The following DOCK1 variants were observed in gnomAD, a reference collection of about 807,000 sequenced individuals.
DOCK1 encodes dedicator of cytokinesis protein 1.
In DOCK1, 138 loss-of-function variants were observed where a neutral mutation model predicts 262.7. The observed-to-expected ratio is 0.53, with a 90% CI of 0.46 to 0.61. DOCK1 has a LOEUF of 0.61. DOCK1 is among the 20% of genes least tolerant of loss of function. The probability of loss-of-function intolerance (pLI) is 0.00; values close to 1 mark genes in which losing one functional copy is unlikely to be tolerated. For synonymous variants in DOCK1, 866 were observed against 867.4 expected (o/e 1.00, Z 0.03); for missense variants, 1,908 against 2,370.7 (o/e 0.80, Z 4.05).
chr10:127,405,739 T>C (rs1466460978), intron 40 of DOCK1, among the ~76,000 whole-genome samples: 1 of 152,188 alleles, frequency 6.6e-6, no homozygotes, highest in Admixed American at 6.5e-5. Context: ...TGGCCTGCTC[T>C]AGGAGGTGAG....
At chr10:127,151,259 A>T (rs2052459531) in intron 27 of DOCK1, among the ~76,000 whole-genome samples, 1 of 152,150 alleles carries the variant, frequency 6.6e-6, no homozygotes, top group Admixed American at 6.5e-5. Flanking sequence ...TGCAGTCTTT[A>T]TTTGAATACT....
chr10:127,094,969 T>C (rs1267119504), intron 23 of DOCK1, among the ~76,000 whole-genome samples: 1 of 152,228 alleles, frequency 6.6e-6, no homozygotes, highest in Non-Finnish European at 1.5e-5. Context: ...CAAGGCTCTC[T>C]GCCCTCTCCA....
chr10:127,433,275 G>A lies in DOCK1; in HGVS notation c.4915-8G>A, dbSNP rs771265028. ...ACAAGTCTCCTTCTCTCTCTTTCTC[G>A]CTCTCAGCCCTCAAGTCTGGATGAT... On this transcript the variant is annotated splice_polypyrimidine_tract_variant and splice_region_variant and intron_variant, in intron 47 of 51. Coordinates refer to ENST00000623213, the MANE Select transcript of DOCK1 (RefSeq NM_001290223.2). 9 of 1,613,328 alleles carry A rather than the reference G, an allele frequency of 5.6e-6. No individual in the cohort carries two copies. Among genetic ancestry groups the A allele is most frequent in the Middle Eastern group, 1.7e-4 (1 of 6,060 alleles).
intron 27 of DOCK1, among the ~76,000 whole-genome samples, chr10:127,149,212 C>T (rs1466792627): frequency 6.6e-6 from 1 of 152,068 alleles, no homozygotes; most frequent in Non-Finnish European, 1.5e-5. Context: ...CTTGATGATC[C>T]CTTAGTGCAA....
chr10:127,425,815 A>G (rs2068775493), intron 46 of DOCK1, 59 bp from the exon 47 acceptor site: 2 of 1,599,994 alleles, frequency 1.3e-6, no homozygotes, highest in Non-Finnish European at 1.7e-6. Context: ...CCAAGTGTGC[A>G]TTGCTCGTCC....
intron 1 of DOCK1, among the ~76,000 whole-genome samples, chr10:126,925,415 C>T (rs975801698): frequency 1.3e-5 from 2 of 152,184 alleles, no homozygotes; most frequent in South Asian, 2.1e-4. Flanking sequence ...GACGGAGTCT[C>T]GCTCTGTTTC....
At chr10:127,249,846 A>G (rs1323635399) in intron 28 of DOCK1, among the ~76,000 whole-genome samples, 2 of 152,226 alleles carry the variant, frequency 1.3e-5, no homozygotes, top group African/African-American at 4.8e-5. Flanking sequence ...TTTCCTCTAA[A>G]TAAAAGTAAG....
intron 31 of DOCK1, chr10:127,344,750 A>G (rs927098441): frequency 3.3e-5 from 5 of 152,480 alleles, no homozygotes; most frequent in Admixed American, 2.6e-4. Flanking sequence ...AATACCAGCT[A>G]CTTAGGAGGC....
intron 28 of DOCK1, among the ~76,000 whole-genome samples, chr10:127,254,436 T>A (rs971104465): frequency 6.6e-6 from 1 of 152,020 alleles, no homozygotes; most frequent in Non-Finnish European, 1.5e-5. Flanking sequence ...TTGGCAAGAG[T>A]GTTTCAGCAT....
chr10:127,444,627 T>C (rs952090372), intron 50 of DOCK1, among the ~76,000 whole-genome samples: 2 of 152,192 alleles, frequency 1.3e-5, no homozygotes, highest in South Asian at 2.1e-4. Flanking sequence ...TGTCTAGGAC[T>C]GTGCACTGGA....
intron 13 of DOCK1, among the ~76,000 whole-genome samples, chr10:127,020,322 T>C (rs958097455): frequency 6.6e-6 from 1 of 152,198 alleles, no homozygotes; most frequent in Non-Finnish European, 1.5e-5. Flanking sequence ...CCTTAGGATG[T>C]CCTCATGTTC....
rs2068380055 is a variant in DOCK1 at position 127,419,687 on chromosome 10, C to T, written c.4714C>T (p.Leu1572=). ...CCAGGCCTTCTTTACAGACCGGTAC[C>T]TGCAGGAGCACCCTGAGGCCCATGA... is the stretch of plus-strand genomic sequence containing the variant. ...YEKAFFTDRY[L]QEHPEAHEKI... The change falls in exon 46 of 52, where the codon CTG becomes TTG. Residue 1572 remains leucine, a synonymous_variant. Transcript: ENST00000623213. 1 of 1,605,872 alleles carries T rather than the reference C, an allele frequency of 6.2e-7. No homozygotes were observed. Among genetic ancestry groups the T allele is most frequent in the South Asian group, 1.1e-5 (1 of 89,092 alleles).
chr10:127,038,705 C>G (rs951927470), intron 19 of DOCK1, among the ~76,000 whole-genome samples: 8 of 151,734 alleles, frequency 5.3e-5, no homozygotes, highest in Admixed American at 3.3e-4. Context: ...GCCTCAGCAT[C>G]TTTATCTGTG....
intron 27 of DOCK1, among the ~76,000 whole-genome samples, chr10:127,192,410 A>G (rs528851380): frequency 4.2e-4 from 64 of 152,232 alleles, no homozygotes; most frequent in Non-Finnish European, 7.8e-4. Flanking sequence ...CTCAGTCCCA[A>G]TTAGAGCTGG....
At chr10:127,064,926 G>A (rs577026120) in intron 23 of DOCK1, among the ~76,000 whole-genome samples, 2 of 152,136 alleles carry the variant, frequency 1.3e-5, no homozygotes, top group Admixed American at 6.5e-5. Context: ...GGCAGCCACC[G>A]GTCCACTTTC....
intron 29 of DOCK1, among the ~76,000 whole-genome samples, chr10:127,292,320 G>T (rs2061371794): frequency 6.6e-6 from 1 of 152,190 alleles, no homozygotes; most frequent in African/African-American, 2.4e-5. Flanking sequence ...TCTGCCCTGG[G>T]CCCTAAGACC....
intron 27 of DOCK1, among the ~76,000 whole-genome samples, chr10:127,227,039 C>T (rs1234689912): frequency 1.3e-5 from 2 of 152,168 alleles, no homozygotes; most frequent in African/African-American, 2.4e-5. Flanking sequence ...CGGACTTGGC[C>T]TATAGCAAGT....
chr10:127,128,614 C>G lies in DOCK1; in HGVS notation c.2847+850C>G, dbSNP rs10466106. 6.6e-3 allele frequency among the ~76,000 whole-genome samples: 1,003 copies of G among 152,238 alleles called. 4 individuals carry two copies. Among genetic ancestry groups the G allele is most frequent in the Admixed American group, 0.012 (181 of 15,292 alleles). On this transcript the variant is annotated intron_variant, in intron 27 of 51. Transcript: ENST00000623213. ...GTGCATGTATTCTCATTGTTCACCT[C>G]CCACTTATGAGTGAGAACATGTGGT...
chr10:126,956,902 G>GA (rs1295436255), intron 1 of DOCK1, among the ~76,000 whole-genome samples: 1 of 152,110 alleles, frequency 6.6e-6, no homozygotes, highest in Admixed American at 6.5e-5. Flanking sequence ...CACCAGCCTT[G>GA]AAAATGGGCA....
Sources: gnomAD v4.1 joint callset for allele counts (sites outside exome capture counted in the v4.1 genomes callset) on GRCh38, gnomAD v4.1.1 for gene constraint, MANE v1.5 for transcripts, NCBI Gene and HGNC (gene_info 2026-07-23, HGNC 2026-07-21) for gene names.